The following NR2F1-AS1 variants were observed in gnomAD, a reference collection of about 807,000 sequenced individuals.
NR2F1-AS1 encodes the protein NR2F1 antisense RNA 1.
chr5:93,570,127 A>C (rs1211562795), intron 1 of NR2F1-AS1: 2 of 152,224 alleles, frequency 1.3e-5, no homozygotes, highest in Non-Finnish European at 2.9e-5. Flanking sequence ...CTTTTTATGA[A>C]CTACATAGCA....
At chr5:93,465,042 G>A (rs919913569) in intron 4 of NR2F1-AS1, among the ~76,000 whole-genome samples, 9 of 152,092 alleles carry the variant, frequency 5.9e-5, no homozygotes, top group African/African-American at 9.7e-5. Flanking sequence ...CTGACACCTT[G>A]CAGCTTTGCT....
chr5:93,474,179 C>A (rs1309319120), intron 4 of NR2F1-AS1, among the ~76,000 whole-genome samples: 2 of 152,048 alleles, frequency 1.3e-5, no homozygotes, highest in Non-Finnish European at 2.9e-5. Flanking sequence ...AATTGTCAAT[C>A]TTATCACATG....
chr5:93,568,157 A>G (rs930509935), intron 1 of NR2F1-AS1, among the ~76,000 whole-genome samples: 9 of 152,220 alleles, frequency 5.9e-5, no homozygotes, highest in Admixed American at 1.3e-4. Flanking sequence ...GCTCTTGTGT[A>G]AATTCCAGCA....
rs147254926 is a variant in NR2F1-AS1, at chr5:93,512,043, T to G, written n.638+41718A>C. ...TATCAACTAATACTAGACTTTTTAT[T>G]GTTATTTTACAGTGTGCTCCTTCAG... is the stretch of plus-strand genomic sequence containing the variant. On this transcript the variant is annotated intron_variant and non_coding_transcript_variant, in intron 4 of 5. Coordinates refer to ENST00000660523, the Ensembl canonical transcript of NR2F1-AS1. Among the ~76,000 whole-genome samples the G allele has an allele frequency of 3.3e-5, 5 of 152,320 alleles. No individual in the cohort carries two copies. The East Asian group carries it at 9.6e-4, about 29-fold the overall frequency.
chr5:93,573,070 A>C (rs1752812121), intron 1 of NR2F1-AS1, among the ~76,000 whole-genome samples: 1 of 152,226 alleles, frequency 6.6e-6, no homozygotes, highest in African/African-American at 2.4e-5. Flanking sequence ...ATGCACGTCA[A>C]GGGGAAGTGA....
At chr5:93,441,707 G>T (rs1325124814) in intron 4 of NR2F1-AS1, among the ~76,000 whole-genome samples, 1 of 152,168 alleles carries the variant, frequency 6.6e-6, no homozygotes, top group Non-Finnish European at 1.5e-5. Flanking sequence ...CATGTTCTAG[G>T]AATGACTCTG....
intron 1 of NR2F1-AS1, among the ~76,000 whole-genome samples, chr5:93,566,500 G>A (rs1752621445): frequency 6.6e-6 from 1 of 151,994 alleles, no homozygotes; most frequent in African/African-American, 2.4e-5. Context: ...CTGCAGTTGG[G>A]AAAATACTTC....
At chr5:93,560,622 C>A (rs1752465459) in intron 2 of NR2F1-AS1, among the ~76,000 whole-genome samples, 1 of 152,300 alleles carries the variant, frequency 6.6e-6, no homozygotes, top group Admixed American at 6.5e-5. Flanking sequence ...GAACCTTCTA[C>A]CAGGAACTAG....
At chr5:93,585,154 C>T (rs1753207201), upstream of NR2F1-AS1, 1 of 1,163,110 alleles carries the variant, frequency 8.6e-7, no homozygotes, top group Non-Finnish European at 1.1e-6. Context: ...CAGCAGCAGG[C>T]GGGCTCGGGC....
intron 4 of NR2F1-AS1, among the ~76,000 whole-genome samples, chr5:93,537,955 A>G (rs2149903814): frequency 6.6e-6 from 1 of 152,252 alleles, no homozygotes; most frequent in Middle Eastern, 3.4e-3. Context: ...GTTTCCCCAC[A>G]TATCTCAAAG....
chr5:93,575,023 G>A (rs894996451), intron 1 of NR2F1-AS1, among the ~76,000 whole-genome samples: 2 of 152,250 alleles, frequency 1.3e-5, no homozygotes, highest in African/African-American at 4.8e-5. Context: ...GCCTGGGGGG[G>A]TGTCCCCCAA....
chr5:93,463,570 C>A (rs562809063), intron 4 of NR2F1-AS1, among the ~76,000 whole-genome samples: 1 of 152,138 alleles, frequency 6.6e-6, no homozygotes, highest in Non-Finnish European at 1.5e-5. Context: ...ACAGCTTGCA[C>A]CATGTGCCTG....
chr5:93,531,317 G>C (rs1252872832), intron 4 of NR2F1-AS1, among the ~76,000 whole-genome samples: 14 of 152,210 alleles, frequency 9.2e-5, no homozygotes. Flanking sequence ...AGTAAAAATT[G>C]TATTTGACTG....
At chr5:93,494,501 G>A (rs986227909) in intron 4 of NR2F1-AS1, among the ~76,000 whole-genome samples, 1 of 152,090 alleles carries the variant, frequency 6.6e-6, no homozygotes, top group African/African-American at 2.4e-5. Flanking sequence ...GAATGGTGGT[G>A]TGTGCCTGTA....
At chr5:93,491,051 T>C (rs1017173104) in intron 4 of NR2F1-AS1, among the ~76,000 whole-genome samples, 3 of 149,342 alleles carry the variant, frequency 2.0e-5, no homozygotes, top group African/African-American at 7.4e-5. Context: ...GTGGTGGTGG[T>C]GGCGGTGGTG....
chr5:93,535,065 G>A (rs1751811872), intron 4 of NR2F1-AS1, among the ~76,000 whole-genome samples: 1 of 151,482 alleles, frequency 6.6e-6, no homozygotes, highest in South Asian at 2.1e-4. Context: ...CTGCAAAGCA[G>A]AAAGTATGTT....
At chr5:93,549,556 C>A (rs1455637029) in intron 4 of NR2F1-AS1, among the ~76,000 whole-genome samples, 1 of 152,068 alleles carries the variant, frequency 6.6e-6, no homozygotes, top group Non-Finnish European at 1.5e-5. Flanking sequence ...TTCTCATATA[C>A]AATTTTTTTA....
intron 4 of NR2F1-AS1, among the ~76,000 whole-genome samples, chr5:93,441,659 G>C (rs549797353): frequency 9.1e-4 from 138 of 152,324 alleles, no homozygotes; most frequent in African/African-American, 3.2e-3. Flanking sequence ...TTCTACTTCA[G>C]AGTAAGAATA....
upstream of NR2F1-AS1, among the ~76,000 whole-genome samples, chr5:93,583,016 T>C (rs1263680459): frequency 3.9e-5 from 6 of 152,160 alleles, no homozygotes; most frequent in Admixed American, 3.9e-4. Flanking sequence ...TGCAGGAGGC[T>C]TGGCTAACCT....
Sources: allele counts gnomAD v4.1 joint callset (sites outside exome capture counted in the v4.1 genomes callset), GRCh38; gene constraint gnomAD v4.1.1; transcripts MANE v1.5; gene names NCBI Gene and HGNC (gene_info 2026-07-23, HGNC 2026-07-21).